C5: variants seen among roughly 807,000 people sequenced by gnomAD.
C5 encodes complement C5.
Under a neutral mutation model 218.8 loss-of-function variants are expected in C5, and 140 were observed. That is an observed-to-expected ratio of 0.64 (90% CI 0.56 to 0.74). C5 has a LOEUF of 0.74. C5 is among the 30% of genes least tolerant of loss of function. The pLI, the probability that C5 is intolerant of heterozygous loss-of-function variation, is 0.00. For synonymous variants in C5, 614 were observed against 682.3 expected (o/e 0.90, Z 1.56); for missense variants, 1,700 against 1,969.6 (o/e 0.86, Z 2.59).
At chr9:120,965,814 G>C (rs1047223951) in intron 33 of C5, among the ~76,000 whole-genome samples, 1 of 152,194 alleles carries the variant, frequency 6.6e-6, no homozygotes, top group African/African-American at 2.4e-5. Context: ...CGAGTGGAGA[G>C]TGTCTATGAA....
intron 1 of C5, among the ~76,000 whole-genome samples, chr9:121,047,948 A>G (rs1025954998): frequency 2.6e-5 from 4 of 152,198 alleles, no homozygotes; most frequent in African/African-American, 9.6e-5. Flanking sequence ...TTGTGTCATT[A>G]CAACCACTCT....
chr9:120,992,756 T>C (rs1345332979), intron 22 of C5, among the ~76,000 whole-genome samples: 1 of 152,196 alleles, frequency 6.6e-6, no homozygotes, highest in African/African-American at 2.4e-5. Flanking sequence ...TTCAAATCTA[T>C]AAAATTAACA....
In C5 at chr9:121,048,367, G is replaced by T. The variant is rs559684395; in HGVS notation, c.65+1815C>A. Among the ~76,000 whole-genome samples the T allele has an allele frequency of 4.6e-5, 7 of 152,328 alleles. No homozygotes were observed. In the South Asian group the frequency reaches 1.4e-3, roughly 32 times the overall value. Reference sequence around the variant, plus strand: ...CATTACCACCTGAGCTCTGCCTCCTGTCAGATCAGTGGTGGCATTAGATTC... The same window carrying T: ...CATTACCACCTGAGCTCTGCCTCCTTTCAGATCAGTGGTGGCATTAGATTC... On this transcript the variant is annotated intron_variant, in intron 1 of 40. Coordinates refer to ENST00000223642, the MANE Select transcript of C5 (RefSeq NM_001735.3).
chr9:121,017,397 C>T lies in C5; in HGVS notation c.1831G>A (p.Gly611Arg). 1.2e-6 allele frequency: 2 copies of T among 1,614,002 alleles called. No homozygotes were observed. Among genetic ancestry groups the T allele is most frequent in the Non-Finnish European group, 1.7e-6 (2 of 1,179,982 alleles). Residue 611 changes from glycine to arginine, a missense_variant, in exon 14 of 41, where the codon GGA becomes AGA. By Grantham distance (125) the Gly-to-Arg change is moderately radical (BLOSUM62 -2). Transcript: ENST00000223642. Reference protein sequence around the residue: ...ALAAVDSAVYGVQRGAKKPLE... With the variant: ...ALAAVDSAVYRVQRGAKKPLE... ...GGCTTTTTGGCTCCTCTTTGGACTCCATACACAGCACTGTCCACTGCTGCT... is the reference window on the plus strand; with the variant it reads ...GGCTTTTTGGCTCCTCTTTGGACTCTATACACAGCACTGTCCACTGCTGCT...
intron 20 of C5, among the ~76,000 whole-genome samples, chr9:121,003,454 C>T (rs1276497099): frequency 3.3e-5 from 5 of 151,946 alleles, no homozygotes; most frequent in Non-Finnish European, 7.4e-5. Flanking sequence ...TTCATTTTTA[C>T]TGAAAATTAA....
chr9:120,981,605 C>A (rs1320831392), intron 27 of C5, among the ~76,000 whole-genome samples: 3 of 152,228 alleles, frequency 2.0e-5, no homozygotes, highest in Non-Finnish European at 2.9e-5. Context: ...CACTGGGAAA[C>A]TGAATTCACC....
the C5 span, among the ~76,000 whole-genome samples, chr9:121,062,467 A>G: frequency 6.6e-6 from 1 of 152,222 alleles, no homozygotes; most frequent in African/African-American, 2.4e-5. Flanking sequence ...ATGCTCATGA[A>G]GCCAGCTTTG....
chr9:120,991,964 G>A (rs1046061189), intron 22 of C5, among the ~76,000 whole-genome samples: 4 of 152,196 alleles, frequency 2.6e-5, no homozygotes, highest in African/African-American at 7.2e-5. Context: ...AGAAAGTAAC[G>A]TGTTCAAGGT....
At chr9:120,993,269 A>G (rs1423395790) in intron 22 of C5, among the ~76,000 whole-genome samples, 1 of 152,192 alleles carries the variant, frequency 6.6e-6, no homozygotes, top group East Asian at 1.9e-4. Context: ...ATATCCTTTG[A>G]CCCAGCTCCT....
rs775286780 is a variant in C5, at chr9:121,017,412, C to T, written c.1816G>A (p.Asp606Asn). 71 of 1,613,892 alleles carry T rather than the reference C, an allele frequency of 4.4e-5. 1 individual carries two copies. In the Admixed American group the frequency reaches 1.1e-3, roughly 26 times the overall value. The change falls in exon 14 of 41, where the codon GAC (aspartate) becomes AAC (asparagine). Residue 606 changes from aspartate to asparagine, a missense_variant. Transcript: ENST00000223642. Reference protein sequence around the residue: ...MDSWVALAAVDSAVYGVQRGA... With the variant: ...MDSWVALAAVNSAVYGVQRGA... ...CTTTGGACTCCATACACAGCACTGT[C>T]CACTGCTGCTAATGCCACCCAGGAA...
the C5 span, among the ~76,000 whole-genome samples, chr9:121,069,663 C>T: frequency 6.6e-6 from 1 of 151,936 alleles, no homozygotes; most frequent in East Asian, 1.9e-4. Flanking sequence ...CAGACAAGTG[C>T]CATCACACCC....
intron 3 of C5, among the ~76,000 whole-genome samples, chr9:121,039,580 T>C (rs1487580694): frequency 6.6e-6 from 1 of 152,084 alleles, no homozygotes; most frequent in African/African-American, 2.4e-5. Context: ...GAGATTGCAA[T>C]GAGACAAGAT....
Position 120,952,761 on chromosome 9 carries a change from T to A in C5, c.5009A>T (p.Asp1670Val). 6.2e-7 allele frequency: 1 copy of A among 1,613,622 alleles called. No homozygotes were observed. The highest frequency in any genetic ancestry group is 8.5e-7 in the Non-Finnish European group (1 of 1,179,816). ...ATTTTAGCATCCATTTAAAAAGATATCTTCGGCAAATTCATCTAAATTAGC... is the reference window on the plus strand; with the variant it reads ...ATTTTAGCATCCATTTAAAAAGATAACTTCGGCAAATTCATCTAAATTAGC... ...FLANLDEFAE[D>V]IFLNGC Residue 1670 changes from aspartate to valine, a missense_variant, in exon 41 of 41, where the codon GAT becomes GTT. Physicochemically the swap from Asp to Val is radical, Grantham distance 152. Transcript: ENST00000223642.
At chr9:121,026,632 T>C (rs1469817198) in intron 8 of C5, among the ~76,000 whole-genome samples, 1 of 152,108 alleles carries the variant, frequency 6.6e-6, no homozygotes, top group East Asian at 1.9e-4. Flanking sequence ...CTCTGGACAT[T>C]GCCAAATGTC....
chr9:120,974,830 G>A lies in C5; in HGVS notation c.3966C>T (p.Ala1322=). ...TGTCTGTCATTTTATAATTATGTAA[G>A]GCACCTTTATGCTTGTAAGAAACAT... ...DIDVSYKHKG[A]LHNYKMTDKN... The change falls in exon 30 of 41, where the codon GCC becomes GCT. Residue 1322 remains alanine, a synonymous_variant. Coordinates refer to ENST00000223642, the MANE Select transcript of C5 (RefSeq NM_001735.3). The A allele has an allele frequency of 6.2e-7, 1 of 1,614,012 alleles. No homozygotes were observed. Among genetic ancestry groups the A allele is most frequent in the South Asian group, 1.1e-5 (1 of 91,078 alleles).
At chr9:121,013,729 A>ATT (rs41309860) in intron 17 of C5, 144 bp downstream of exon 17, 120 of 776,954 alleles carry the variant, frequency 1.5e-4, no homozygotes, top group African/African-American at 7.2e-4. Flanking sequence ...AAAATGAAGG[A>ATT]TTTTTTTTTC....
intron 2 of C5, among the ~76,000 whole-genome samples, 166 bp from the exon 3 acceptor site, chr9:121,043,332 T>C (rs1338651844): frequency 3.3e-5 from 5 of 152,360 alleles, no homozygotes; most frequent in Admixed American, 3.3e-4. Flanking sequence ...CCCGAAGCCC[T>C]TCAGTGTCTA....
At chr9:120,989,254 T>G in intron 24 of C5, 133 bp from the exon 25 acceptor site, 1 of 758,298 alleles carries the variant, frequency 1.3e-6, no homozygotes, top group African/African-American at 1.7e-5. Context: ...TGGCCAGCAT[T>G]GAACTTCTCA....
chr9:120,987,217 G>A (rs1035687986), intron 25 of C5, among the ~76,000 whole-genome samples: 1 of 152,114 alleles, frequency 6.6e-6, no homozygotes, highest in Non-Finnish European at 1.5e-5. Flanking sequence ...AAAGAAGTTA[G>A]GCCTTGAGAC....
Sources: gnomAD v4.1 joint callset for allele counts (sites outside exome capture counted in the v4.1 genomes callset) on GRCh38, gnomAD v4.1.1 for gene constraint, MANE v1.5 for transcripts, NCBI Gene and HGNC (gene_info 2026-07-23, HGNC 2026-07-21) for gene names.